Variants in ANKRD24 observed in about 807,000 individuals in gnomAD.
ANKRD24 encodes the protein ankyrin repeat domain 24, also known as ankyrin repeat domain-containing protein 24.
ANKRD24 carries 109 observed loss-of-function variants against 127.8 expected under a neutral mutation model. The observed-to-expected ratio is 0.85, with a 90% CI of 0.73 to 1.00. ANKRD24 has a LOEUF of 1.00. Among genes scored for constraint, ANKRD24 ranks in the 50% least tolerant of loss-of-function variants. The pLI, the probability that ANKRD24 is intolerant of heterozygous loss-of-function variation, is 0.00. For synonymous variants in ANKRD24, 743 were observed against 671.1 expected (o/e 1.11, Z -1.66); for missense variants, 1,648 against 1,570.2 (o/e 1.05, Z -0.84).
At chr19:4,202,741 G>C in intron 6 of ANKRD24, 128 bp from the exon 7 acceptor site, 1 of 912,976 alleles carries the variant, frequency 1.1e-6, no homozygotes. Context: ...TCATGAAAAT[G>C]GAGTCCCTTG....
At chr19:4,203,172 C>A (rs145126111) in intron 7 of ANKRD24, among the ~76,000 whole-genome samples, 2 of 151,802 alleles carry the variant, frequency 1.3e-5, no homozygotes, top group African/African-American at 4.8e-5. Flanking sequence ...CTCAGCCTCC[C>A]GAGTAGCTGG....
chr19:4,208,768 C>T lies in ANKRD24; in HGVS notation c.837C>T (p.Leu279=). The T allele has an allele frequency of 6.2e-7, 1 of 1,613,092 alleles. No individual in the cohort carries two copies. The highest frequency in any genetic ancestry group is 8.5e-7 in the Non-Finnish European group (1 of 1,179,554). The stretch of plus-strand genomic sequence containing the variant: ...CCTGCTTCCCTCTCTCCCCAGCCCT[C>T]ACAGAGGATGATTCAGGCGAGGCGT... ...AAQRPSPPSA[L]TEDDSGEASS... Residue 279 remains leucine, a synonymous_variant, in exon 11 of 22, where the codon CTC becomes CTT. Coordinates refer to ENST00000318934, the MANE Select transcript of ANKRD24 (RefSeq NM_001393985.1).
chr19:4,210,033 C>G, intron 11 of ANKRD24, 25 bp from the exon 12 acceptor site: 1 of 1,548,204 alleles, frequency 6.5e-7, no homozygotes, highest in Non-Finnish European at 8.8e-7. Flanking sequence ...CGGCCCCCTT[C>G]ACTCTCTCTC....
intron 11 of ANKRD24, 153 bp downstream of exon 11, chr19:4,208,954 CG>C (rs1969545173): frequency 1.6e-6 from 1 of 631,564 alleles, no homozygotes; most frequent in Non-Finnish European, 2.5e-6. Context: ...CACCAAGTGG[CG>C]GCAGTGTGCT....
intron 21 of ANKRD24, 34 bp from the exon 22 acceptor site, chr19:4,224,394 T>C: frequency 6.2e-7 from 1 of 1,604,194 alleles, no homozygotes; most frequent in South Asian, 1.1e-5. Flanking sequence ...ATGGAGGGTA[T>C]ACTCAGGGTC....
intron 1 of ANKRD24, among the ~76,000 whole-genome samples, chr19:4,185,413 G>A (rs963032662): frequency 3.9e-5 from 6 of 152,176 alleles, no homozygotes; most frequent in Admixed American, 2.6e-4. Context: ...GAATTCACGA[G>A]TAGATAGGTG....
At chr19:4,194,853 G>A (rs541664523) in intron 2 of ANKRD24, among the ~76,000 whole-genome samples, 1 of 152,270 alleles carries the variant, frequency 6.6e-6, no homozygotes, top group East Asian at 1.9e-4. Flanking sequence ...CCGGTGGACC[G>A]AGTGTGGGGC....
rs144583167 is a variant in ANKRD24 at position 4,206,468 on chromosome 19, T to C, written c.467-774T>C. 2.7e-3 allele frequency among the ~76,000 whole-genome samples: 413 copies of C among 151,254 alleles called. 3 individuals carry two copies. Among genetic ancestry groups the C allele is most frequent in the African/African-American group, 9.5e-3 (392 of 41,278 alleles). ...CTGTCTCTAAAAAAATAAAATAATA[T>C]AATATAAAATAAAATAAAAATTAGC... is the stretch of plus-strand genomic sequence containing the variant. On this transcript the variant is annotated intron_variant, in intron 7 of 21. Coordinates refer to ENST00000318934, the MANE Select transcript of ANKRD24 (RefSeq NM_001393985.1).
rs1474737546 is a variant in ANKRD24, at chr19:4,195,591, C to G, written c.37-4092C>G. Among the ~76,000 whole-genome samples the G allele has an allele frequency of 6.6e-6, 1 of 152,176 alleles. No individual in the cohort carries two copies. Among genetic ancestry groups the G allele is most frequent in the Non-Finnish European group, 1.5e-5 (1 of 68,030 alleles). On this transcript the variant is annotated intron_variant, in intron 2 of 21. Coordinates refer to ENST00000318934, the MANE Select transcript of ANKRD24 (RefSeq NM_001393985.1). The surrounding 1 kb of genome is among the most constrained non-coding windows in gnomAD (Gnocchi z 4.2). ...CCTGCCTTGGTTCCCACTCCTCCCT[C>G]CTCTTGTCCAAACATGTCTAAGAGG...
At position 4,195,060 on chromosome 19, in the gene ANKRD24, T is replaced by TTTTGTTTGTTTG. The variant is rs139221641; in HGVS notation, c.37-4607_37-4596dup. Among the ~76,000 whole-genome samples, 6,449 of 148,496 alleles carry TTTTGTTTGTTTG rather than the reference T, an allele frequency of 0.043. 167 individuals are homozygous for TTTTGTTTGTTTG. The highest frequency in any genetic ancestry group is 0.049 in the Non-Finnish European group (3,306 of 66,886). On this transcript the variant is annotated intron_variant, in intron 2 of 21. Coordinates refer to ENST00000318934, the MANE Select transcript of ANKRD24 (RefSeq NM_001393985.1). The surrounding 1 kb of genome is among the most constrained non-coding windows in gnomAD (Gnocchi z 4.2). ...TCGGCGTGAGCCACCGCGCCCAGGTTTTTGTTTGTTTGTTTGTTTGTTTGT... is the reference window on the plus strand; with the variant it reads ...TCGGCGTGAGCCACCGCGCCCAGGTTTTTGTTTGTTTGTTTGTTTGTTTGTTTGTTTGTTTGT...
At chr19:4,223,674 C>T (rs1292631528) in intron 20 of ANKRD24, among the ~76,000 whole-genome samples, 1 of 152,036 alleles carries the variant, frequency 6.6e-6, no homozygotes, top group Non-Finnish European at 1.5e-5. Context: ...AAGCGATTCT[C>T]CTGCCTTAGC....
Position 4,184,341 on chromosome 19 carries a change from C to T in ANKRD24, c.-37+1601C>T, listed in dbSNP as rs114073648. ...GGAAGGAGGTGGGAGAGGCCCAGGA[C>T]GGAGGATCCCCTTATGGCCCCAGGC... is the stretch of plus-strand genomic sequence containing the variant. On this transcript the variant is annotated intron_variant, in intron 1 of 21. Transcript: ENST00000318934. Among the ~76,000 whole-genome samples, 714 of 152,262 alleles carry T rather than the reference C, an allele frequency of 4.7e-3. 6 individuals carry two copies. Among genetic ancestry groups the T allele is most frequent in the African/African-American group, 0.016 (671 of 41,550 alleles).
At position 4,216,006 on chromosome 19, in the gene ANKRD24, T is replaced by A; in HGVS notation, c.1226T>A (p.Val409Glu). 6.2e-7 allele frequency: 1 copy of A among 1,601,082 alleles called. No individual in the cohort carries two copies. Among genetic ancestry groups the A allele is most frequent in the Non-Finnish European group, 8.5e-7 (1 of 1,174,512 alleles). Residue 409 changes from valine (V) to glutamate (E), a missense_variant, in exon 16 of 22, where the codon GTA becomes GAA. Physicochemically the swap from Val to Glu is moderately radical, Grantham distance 121. Transcript: ENST00000318934. ...ENERENTSYD[V>E]TTLQDEEGEL... ...GAGCGGGAGAATACTAGCTATGACG[T>A]AACCACCCTGCAGGATGAGGAGGGT...
chr19:4,200,203 G>C, intron 5 of ANKRD24, 32 bp downstream of exon 5: 1 of 1,561,972 alleles, frequency 6.4e-7, no homozygotes, highest in Non-Finnish European at 8.7e-7. Flanking sequence ...GGAGGGAGGA[G>C]GAACTAAGCC....
rs61742137 is a variant in ANKRD24, at chr19:4,217,059, G to A, written c.1899G>A (p.Thr633=). The change falls in exon 18 of 22, where the codon ACG becomes ACA. Residue 633 remains threonine, a synonymous_variant. Transcript: ENST00000318934. ...TGAQATDTET[T]GVEAMGVEAT... ...CTCAGGCCACAGACACAGAGACCAC[G>A]GGAGTGGAGGCCATGGGGGTGGAGG... The A allele has an allele frequency of 7.6e-3, 12,214 of 1,613,822 alleles. 824 individuals are homozygous for A. In the African/African-American group the frequency reaches 0.14, roughly 19 times the overall value.
At position 4,198,148 on chromosome 19, in the gene ANKRD24, G is replaced by A. The variant is rs568051108; in HGVS notation, c.37-1535G>A. On this transcript the variant is annotated intron_variant, in intron 2 of 21. Coordinates refer to ENST00000318934, the MANE Select transcript of ANKRD24 (RefSeq NM_001393985.1). This position sits in a 1 kb window ranked among gnomAD's most constrained non-coding sequence, Gnocchi z 6.1. ...CCGCGGGTCCCCTGGAGATGCAGCCGGCGGCCTGCGCTGGTGAGGGAGCCG... is the reference window on the plus strand; with the variant it reads ...CCGCGGGTCCCCTGGAGATGCAGCCAGCGGCCTGCGCTGGTGAGGGAGCCG... 1.8e-4 allele frequency: 94 copies of A among 534,740 alleles called. No individual in the cohort carries two copies. The highest frequency in any genetic ancestry group is 1.7e-3 in the African/African-American group (84 of 49,902). 33.1% of individuals were successfully genotyped at this position (534,740 alleles called of 1,614,324 possible). A position where few individuals can be genotyped will look rare whatever the true frequency, so the allele number is the denominator to read the frequency against.
Position 4,207,782 on chromosome 19 carries a change from ACGG to A in ANKRD24, c.648_650del (p.Ala217del). On this transcript the variant is annotated inframe_deletion and splice_region_variant, in exon 10 of 22. Transcript: ENST00000318934. ...CTCAGTAGCCCCCTCCCCTGGTAGG[ACGG>A]CCCTGATGCTGGCCTGTGAGGGGGC... 6.4e-7 allele frequency: 1 copy of A among 1,571,756 alleles called. No individual in the cohort carries two copies. The highest frequency in any genetic ancestry group is 8.6e-7 in the Non-Finnish European group (1 of 1,158,102).
Position 4,198,630 on chromosome 19 carries a change from C to T in ANKRD24, c.37-1053C>T. The stretch of plus-strand genomic sequence containing the variant: ...GGCTGACCTGGACCACCCCCCCATT[C>T]CAGACCCGGGAAAGATGGTCGGCGG... On this transcript the variant is annotated intron_variant, in intron 2 of 21. Transcript: ENST00000318934. This position sits in a 1 kb window ranked among gnomAD's most constrained non-coding sequence, Gnocchi z 6.1. 1 of 406,480 alleles carries T rather than the reference C, an allele frequency of 2.5e-6. No individual in the cohort carries two copies. Among genetic ancestry groups the T allele is most frequent in the Non-Finnish European group, 4.4e-6 (1 of 229,260 alleles). The allele number at this position is 406,480 out of a possible 1,614,324, so 25.2% of individuals were successfully genotyped here.
At position 4,218,128 on chromosome 19, in the gene ANKRD24, C is replaced by A. The variant is rs1298651094; in HGVS notation, c.2968C>A (p.Arg990=). ...QLEGQLEELG[R]RHEKTSAEVF... ...GGAGGGGCAGCTGGAGGAGCTGGGA[C>A]GGCGGCATGAGAAGACCAGCGCAGA... Residue 990 remains arginine, a synonymous_variant, in exon 18 of 22, where the codon CGG becomes AGG. Coordinates refer to ENST00000318934, the MANE Select transcript of ANKRD24 (RefSeq NM_001393985.1). 2.0e-6 allele frequency: 3 copies of A among 1,536,660 alleles called. No homozygotes were observed. In the East Asian group the frequency reaches 7.6e-5, roughly 39 times the overall value.
Sources: gnomAD v4.1 joint callset for allele counts (sites outside exome capture counted in the v4.1 genomes callset) on GRCh38, gnomAD v4.1.1 for gene constraint, Gnocchi (gnomAD v3.1) non-coding constraint, MANE v1.5 for transcripts, NCBI Gene and HGNC (gene_info 2026-07-23, HGNC 2026-07-21) for gene names.